Variants in ZDHHC3 observed in about 807,000 individuals in gnomAD.
ZDHHC3 encodes the protein zDHHC palmitoyltransferase 3.
Under a neutral mutation model 30.6 loss-of-function variants are expected in ZDHHC3, and 9 were observed. That is an observed-to-expected ratio of 0.29 (90% confidence interval 0.18 to 0.51). The LOEUF is 0.51. Among genes scored for constraint, ZDHHC3 ranks in the 20% least tolerant of loss-of-function variants. The pLI is 0.97. For missense variants in ZDHHC3, 246 were observed against 384.2 expected (o/e 0.64, Z 3.01); for synonymous variants, 136 against 140.2 (o/e 0.97, Z 0.21).
In ZDHHC3 at chr3:44,916,723, G is replaced by A. The variant is rs1359140110; in HGVS notation, c.*9966C>T. The A allele has an allele frequency of 6.6e-6, 1 of 152,232 alleles. No homozygotes were observed. 9.4% of individuals were successfully genotyped at this position (152,232 alleles called of 1,614,324 possible). Reference sequence around the variant, plus strand: ...GAAGATGCTGCTTCAGCAACCACTGGAATGGGGTTTAGGAGCACCAGAACG... The same window carrying A: ...GAAGATGCTGCTTCAGCAACCACTGAAATGGGGTTTAGGAGCACCAGAACG... On this transcript the variant is annotated 3_prime_UTR_variant, in exon 7 of 7. Coordinates refer to ENST00000424952, the MANE Select transcript of ZDHHC3 (RefSeq NM_001135179.2).
At position 44,915,672 on chromosome 3, in the gene ZDHHC3, G is replaced by A. The variant is rs1209125799; in HGVS notation, c.*11017C>T. ...CCTTTGGGGCTGGTGTTGTACCTCT[G>A]CTTTCAGGCCAAGATGGATTCCCTA... On this transcript the variant is annotated 3_prime_UTR_variant, in exon 7 of 7. Transcript: ENST00000424952. 6.6e-6 allele frequency: 1 copy of A among 152,084 alleles called. No homozygotes were observed. The highest frequency in any genetic ancestry group is 2.4e-5 in the African/African-American group (1 of 41,328). 9.4% of individuals were successfully genotyped at this position (152,084 alleles called of 1,614,324 possible).
intron 3 of ZDHHC3, chr3:44,938,492 G>C (rs1468912476): frequency 5.0e-6 from 1 of 198,624 alleles, no homozygotes; most frequent in Non-Finnish European, 1.1e-5. Context: ...GAAGCACAAA[G>C]GACGATATTT....
At chr3:44,932,798 C>T (rs1265786721) in intron 5 of ZDHHC3, 1 of 983,016 alleles carries the variant, frequency 1.0e-6, no homozygotes, top group African/African-American at 1.6e-5. Flanking sequence ...AACTTCTCTC[C>T]CAGCATGGCT....
At position 44,919,186 on chromosome 3, in the gene ZDHHC3, G is replaced by T; in HGVS notation, c.*7503C>A. Reference sequence around the variant, plus strand: ...CAAAGGGAAAAACAGTACCTTAATAGCAGGGAAGAAACATTGCACGTACCA... The same window carrying T: ...CAAAGGGAAAAACAGTACCTTAATATCAGGGAAGAAACATTGCACGTACCA... On this transcript the variant is annotated 3_prime_UTR_variant, in exon 7 of 7. Coordinates refer to ENST00000424952, the MANE Select transcript of ZDHHC3 (RefSeq NM_001135179.2). The T allele has an allele frequency of 1.2e-6, 1 of 825,450 alleles. No individual in the cohort carries two copies. The highest frequency in any genetic ancestry group is 1.5e-6 in the Non-Finnish European group (1 of 685,610). 51.1% of individuals were successfully genotyped at this position (825,450 alleles called of 1,614,324 possible).
chr3:44,953,660 C>T (rs1166569881), intron 2 of ZDHHC3, among the ~76,000 whole-genome samples: 4 of 152,192 alleles, frequency 2.6e-5, no homozygotes, highest in African/African-American at 9.7e-5. Context: ...CATCACTGGC[C>T]ATGTGTCTCC....
chr3:44,918,852 G>C lies in ZDHHC3; in HGVS notation c.*7837C>G. The C allele has an allele frequency of 3.0e-6, 3 of 987,128 alleles. No homozygotes were observed. In the South Asian group the frequency reaches 1.4e-4, roughly 46 times the overall value. The allele number at this position is 987,128 out of a possible 1,614,324, so 61.1% of individuals were successfully genotyped here. A position where few individuals can be genotyped will look rare whatever the true frequency, so the allele number is the denominator to read the frequency against. On this transcript the variant is annotated 3_prime_UTR_variant, in exon 7 of 7. Coordinates refer to ENST00000424952, the MANE Select transcript of ZDHHC3 (RefSeq NM_001135179.2). The stretch of plus-strand genomic sequence containing the variant: ...GGCCACAGAAAGGGTGTTGGGGTGG[G>C]GAGATGCCCAGAGGAGGTAAAGACA...
At position 44,925,270 on chromosome 3, in the gene ZDHHC3, G is replaced by A. The variant is rs1192540706; in HGVS notation, c.*1419C>T. The A allele has an allele frequency of 1.0e-6, 1 of 985,722 alleles. No individual in the cohort carries two copies. The highest frequency in any genetic ancestry group is 1.7e-5 in the African/African-American group (1 of 57,218). The allele number at this position is 985,722 out of a possible 1,614,324, so 61.1% of individuals were successfully genotyped here. ...CACTTACTTTTCTGAAAAATCACAT[G>A]GCTAGATTAACTTTCGCCCTACCCA... On this transcript the variant is annotated 3_prime_UTR_variant, in exon 7 of 7. Coordinates refer to ENST00000424952, the MANE Select transcript of ZDHHC3 (RefSeq NM_001135179.2).
chr3:44,929,252 C>T, intron 6 of ZDHHC3, 54 bp downstream of exon 6: 1 of 1,600,572 alleles, frequency 6.2e-7, no homozygotes, highest in Non-Finnish European at 8.5e-7. Flanking sequence ...AACACTGACC[C>T]TGGGTCCTCC....
rs376006143 is a variant in ZDHHC3, at chr3:44,945,256, T to A, written c.343A>T (p.Ile115Phe). The A allele has an allele frequency of 7.1e-5, 114 of 1,614,096 alleles. No homozygotes were observed. Among genetic ancestry groups the A allele is most frequent in the Non-Finnish European group, 9.1e-5 (107 of 1,180,054 alleles). The change falls in exon 3 of 7, where the codon ATC (isoleucine) becomes TTC (phenylalanine). Residue 115 changes from isoleucine to phenylalanine, a missense_variant. By Grantham distance (21) the Ile-to-Phe change is conservative. Coordinates refer to ENST00000424952, the MANE Select transcript of ZDHHC3 (RefSeq NM_001135179.2). ...CCAGGCTTCAACTGTAAACTCTCGA[T>A]GAATTCTTTAGTGGCATTTCCTTTG... ...VPKGNATKEF[I>F]ESLQLKPGQV...
At chr3:44,932,165 A>G (rs1701549336) in intron 5 of ZDHHC3, among the ~76,000 whole-genome samples, 1 of 152,172 alleles carries the variant, frequency 6.6e-6, no homozygotes, top group Admixed American at 6.5e-5. Flanking sequence ...AGCAGAAGGC[A>G]TGTACTTCAG....
In ZDHHC3 at chr3:44,959,209, G is replaced by A; in HGVS notation, c.228C>T (p.Ser76=). ...GGTTGAACACAATTCCGTTGATGAT[G>A]CTATACACGTAGTCTCGAGATGGAA... ...MLIPSRDYVY[S]IINGIVFNLL... is the part of the protein sequence containing the mutation. Residue 76 remains serine, a synonymous_variant, in exon 2 of 7, where the codon AGC becomes AGT. Coordinates refer to ENST00000424952, the MANE Select transcript of ZDHHC3 (RefSeq NM_001135179.2). The surrounding 1 kb of genome is among the most constrained non-coding windows in gnomAD (Gnocchi z 4.3). The A allele has an allele frequency of 5.0e-6, 8 of 1,614,258 alleles. No homozygotes were observed. The highest frequency in any genetic ancestry group is 4.2e-6 in the Non-Finnish European group (5 of 1,180,052).
At chr3:44,940,771 G>A (rs2125852231) in intron 3 of ZDHHC3, among the ~76,000 whole-genome samples, 1 of 152,222 alleles carries the variant, frequency 6.6e-6, no homozygotes, top group East Asian at 1.9e-4. Flanking sequence ...TATGTATTCA[G>A]TTTCTCTGGG....
intron 5 of ZDHHC3, 40 bp from the exon 6 acceptor site, chr3:44,929,476 C>G: frequency 6.2e-7 from 1 of 1,608,608 alleles, no homozygotes; most frequent in Non-Finnish European, 8.5e-7. Flanking sequence ...TACTGTCACC[C>G]ACTGCCTGCT....
chr3:44,937,360 C>T (rs1224518610), intron 3 of ZDHHC3, among the ~76,000 whole-genome samples: 1 of 151,776 alleles, frequency 6.6e-6, no homozygotes, highest in Non-Finnish European at 1.5e-5. Flanking sequence ...GGGAGAATCG[C>T]TTGAGCCTGG....
At chr3:44,963,960 A>ATGTG (rs760626419) in intron 1 of ZDHHC3, among the ~76,000 whole-genome samples, 1 of 152,194 alleles carries the variant, frequency 6.6e-6, no homozygotes, top group Admixed American at 6.5e-5. Flanking sequence ...GTGGACAATA[A>ATGTG]TGTGTGTGTG....
intron 5 of ZDHHC3, among the ~76,000 whole-genome samples, chr3:44,932,268 C>T (rs190766756): frequency 1.3e-3 from 192 of 152,212 alleles, no homozygotes; most frequent in Non-Finnish European, 2.3e-3. Flanking sequence ...CTACCCTCCT[C>T]TCCTATCTCT....
In ZDHHC3 at chr3:44,924,738, C is replaced by T; in HGVS notation, c.*1951G>A. On this transcript the variant is annotated 3_prime_UTR_variant, in exon 7 of 7. Coordinates refer to ENST00000424952, the MANE Select transcript of ZDHHC3 (RefSeq NM_001135179.2). ...CTGCTCTAGTTATTTAATACAATAA[C>T]ACTTCTTTCATACACCTAACTGAGC... 1.0e-6 allele frequency: 1 copy of T among 985,448 alleles called. No homozygotes were observed. The highest frequency in any genetic ancestry group is 1.2e-6 in the Non-Finnish European group (1 of 829,928). 61.0% of individuals were successfully genotyped at this position (985,448 alleles called of 1,614,324 possible). A position where few individuals can be genotyped will look rare whatever the true frequency, so the allele number is the denominator to read the frequency against.
At chr3:44,954,209 G>A (rs965873098) in intron 2 of ZDHHC3, among the ~76,000 whole-genome samples, 1 of 152,152 alleles carries the variant, frequency 6.6e-6, no homozygotes, top group African/African-American at 2.4e-5. Flanking sequence ...AGAGGGGTCG[G>A]GGTGGGGGAG....
intron 2 of ZDHHC3, among the ~76,000 whole-genome samples, chr3:44,951,422 T>C (rs1055058169): frequency 6.6e-6 from 1 of 152,160 alleles, no homozygotes; most frequent in African/African-American, 2.4e-5. Flanking sequence ...CCATTCCCCT[T>C]AGTAGGTAGC....
Sources: allele counts gnomAD v4.1 joint callset (sites outside exome capture counted in the v4.1 genomes callset), GRCh38; gene constraint gnomAD v4.1.1; non-coding constraint Gnocchi (gnomAD v3.1); transcripts MANE v1.5; gene names NCBI Gene and HGNC (gene_info 2026-07-23, HGNC 2026-07-21).